Variants in FSIP2 observed in about 807,000 individuals in gnomAD.
The protein encoded by FSIP2 is fibrous sheath-interacting protein 2.
A neutral mutation model predicts 510.5 loss-of-function variants in FSIP2; 367 were observed. That is an observed-to-expected ratio of 0.72 (90% CI 0.66 to 0.78). The LOEUF is 0.78. Among genes scored for constraint, FSIP2 ranks in the 30% least tolerant of loss-of-function variants. The pLI is 0.00. For missense variants in FSIP2, 7,594 were observed against 7,901.7 expected (o/e 0.96, Z 1.48); for synonymous variants, 2,601 against 2,732.2 (o/e 0.95, Z 1.50).
At chr2:185,811,936 A>G (rs1693739972) in intron 17 of FSIP2, among the ~76,000 whole-genome samples, 1 of 152,114 alleles carries the variant, frequency 6.6e-6, no homozygotes, top group South Asian at 2.1e-4. Context: ...AAAAACCTGC[A>G]TGCCCAGGCA....
intron 21 of FSIP2, 123 bp from the exon 22 acceptor site, chr2:185,831,690 T>C: frequency 1.5e-6 from 1 of 674,038 alleles, no homozygotes; most frequent in South Asian, 1.7e-5. Flanking sequence ...AGCACAGATA[T>C]ATTTTATGTA....
intron 13 of FSIP2, among the ~76,000 whole-genome samples, chr2:185,780,013 C>T (rs1339669024): frequency 2.7e-5 from 4 of 148,268 alleles, no homozygotes; most frequent in African/African-American, 1.0e-4. Context: ...GCAGAGGTTG[C>T]AGTGAGCCGA....
intron 19 of FSIP2, among the ~76,000 whole-genome samples, 191 bp downstream of exon 19, chr2:185,815,662 G>T (rs1458424243): frequency 6.6e-6 from 1 of 151,946 alleles, no homozygotes; most frequent in East Asian, 1.9e-4. Context: ...TTTATTTTTA[G>T]ATACCTGGCC....
chr2:185,742,275 T>G (rs1405533666), intron 2 of FSIP2, among the ~76,000 whole-genome samples: 1 of 152,194 alleles, frequency 6.6e-6, no homozygotes, highest in Non-Finnish European at 1.5e-5. Context: ...ATCTTGCTAT[T>G]GAAAAACTGA....
In FSIP2 at chr2:185,792,110, A is replaced by C; in HGVS notation, c.4974A>C (p.Leu1658Phe). The stretch of plus-strand genomic sequence containing the variant: ...TTTTGAAGGTTATTCAAACAGAATT[A>C]AATGTGACCTCATCAGATTTGAAGA... ...SAILKVIQTE[L>F]NVTSSDLKTS... The change falls in exon 16 of 23, where the codon TTA (leucine) becomes TTC (phenylalanine). Residue 1658 changes from leucine to phenylalanine, a missense_variant. By Grantham distance (22) the Leu-to-Phe change is conservative (BLOSUM62 0). Transcript: ENST00000424728. 1.3e-6 allele frequency: 2 copies of C among 1,534,068 alleles called. No individual in the cohort carries two copies. The highest frequency in any genetic ancestry group is 1.7e-6 in the Non-Finnish European group (2 of 1,145,442).
At chr2:185,745,595 A>G (rs1419679181) in intron 5 of FSIP2, 27 bp downstream of exon 5, 1 of 1,521,444 alleles carries the variant, frequency 6.6e-7, no homozygotes, top group African/African-American at 1.4e-5. Flanking sequence ...GGCATATTTT[A>G]TGGGTATGTT....
In FSIP2 at chr2:185,797,192, C is replaced by T. The variant is rs536539979; in HGVS notation, c.10056C>T (p.Asn3352=). 6.5e-7 allele frequency: 1 copy of T among 1,534,796 alleles called. No homozygotes were observed. The highest frequency in any genetic ancestry group is 1.4e-5 in the African/African-American group (1 of 72,858). ...GFPSQPHTNE[N]REIMKPFFIS... ...CAAGTCAACCACACACTAATGAGAA[C>T]AGGGAAATAATGAAACCATTTTTCA... Residue 3352 remains asparagine (N), a synonymous_variant, in exon 16 of 23, where the codon AAC becomes AAT. Transcript: ENST00000424728.
At position 185,824,429 on chromosome 2, in the gene FSIP2, T is replaced by C; in HGVS notation, c.20427-5T>C. On this transcript the variant is annotated splice_polypyrimidine_tract_variant and splice_region_variant and intron_variant, in intron 19 of 22. Coordinates refer to ENST00000424728, the MANE Select transcript of FSIP2 (RefSeq NM_173651.4). ...CTAAATGATGTTCTTTTTCTTTTGT[T>C]TTAGTGAGGCTGAAGATTGTCACTC... is the stretch of plus-strand genomic sequence containing the variant. 6.3e-7 allele frequency: 1 copy of C among 1,583,308 alleles called. No homozygotes were observed. Among genetic ancestry groups the C allele is most frequent in the Non-Finnish European group, 8.6e-7 (1 of 1,161,440 alleles).
Position 185,789,539 on chromosome 2 carries a change from T to C in FSIP2, c.2403T>C (p.Asn801=), listed in dbSNP as rs1256259320. The C allele has an allele frequency of 6.5e-7, 1 of 1,534,736 alleles. No homozygotes were observed. Among genetic ancestry groups the C allele is most frequent in the East Asian group, 2.4e-5 (1 of 40,856 alleles). ...GTGATGAACTTCTCACATCATCTAATGGAAAACCTTTGAAAAATTCAATGC... is the reference window on the plus strand; with the variant it reads ...GTGATGAACTTCTCACATCATCTAACGGAAAACCTTTGAAAAATTCAATGC... ...AASDELLTSS[N]GKPLKNSMPH... The change falls in exon 16 of 23, where the codon AAT becomes AAC. Residue 801 remains asparagine, a synonymous_variant. Transcript: ENST00000424728.
chr2:185,766,954 G>A (rs1228700082), intron 13 of FSIP2, among the ~76,000 whole-genome samples: 83 of 117,722 alleles, frequency 7.1e-4, no homozygotes, highest in African/African-American at 2.5e-3. Flanking sequence ...TTAAGAAAAT[G>A]TGGCACATAT....
rs1693606733 is a variant in FSIP2, at chr2:185,807,310, T to A, written c.18004T>A (p.Ser6002Thr). The change falls in exon 17 of 23, where the codon TCA (serine) becomes ACA (threonine). Residue 6002 changes from serine to threonine, a missense_variant. Transcript: ENST00000424728. Reference sequence around the variant, plus strand: ...AGCCAGCAAAGAATGTCAAACTTCATCACCATATACAATAATATTACCTCA... The same window carrying A: ...AGCCAGCAAAGAATGTCAAACTTCAACACCATATACAATAATATTACCTCA... The part of the protein sequence containing the change: ...QTASKECQTS[S>T]PYTIILPHKF... 1 of 1,612,750 alleles carries A rather than the reference T, an allele frequency of 6.2e-7. No homozygotes were observed. The highest frequency in any genetic ancestry group is 8.5e-7 in the Non-Finnish European group (1 of 1,179,180).
chr2:185,828,369 C>T (rs1186856463), intron 21 of FSIP2, among the ~76,000 whole-genome samples, 170 bp downstream of exon 21: 1 of 151,760 alleles, frequency 6.6e-6, no homozygotes, highest in Non-Finnish European at 1.5e-5. Context: ...TGAGGCCTGT[C>T]CCTGGTATAT....
At chr2:185,737,814 T>G (rs193167847), upstream of FSIP2, among the ~76,000 whole-genome samples, 82 of 152,296 alleles carry the variant, frequency 5.4e-4, no homozygotes, top group Non-Finnish European at 1.5e-5. Flanking sequence ...TTAAGAGTCC[T>G]AAGCACATGT....
At chr2:185,824,554 T>A in intron 20 of FSIP2, 74 bp downstream of exon 20, 1 of 860,138 alleles carries the variant, frequency 1.2e-6, no homozygotes, top group Non-Finnish European at 1.9e-6. Flanking sequence ...TTATCAAACT[T>A]GAAGTTAATA....
chr2:185,792,250 T>C lies in FSIP2; in HGVS notation c.5114T>C (p.Ile1705Thr), dbSNP rs1295875157. 2.2e-5 allele frequency: 34 copies of C among 1,533,254 alleles called. No individual in the cohort carries two copies. The highest frequency in any genetic ancestry group is 2.7e-5 in the Non-Finnish European group (31 of 1,145,222). 95.0% of individuals were successfully genotyped at this position (1,533,254 alleles called of 1,614,324 possible). ...FNEMESEGGG[I>T]ETYRYRPTYG... ...GAAATGGAATCTGAAGGGGGAGGCA[T>C]TGAAACTTATCGATACAGGCCAACA... The change falls in exon 16 of 23, where the codon ATT becomes ACT. Residue 1705 changes from isoleucine (I) to threonine (T), a missense_variant. Ile to Thr is a moderately conservative substitution (Grantham distance 89). Transcript: ENST00000424728.
At chr2:185,797,651 G>A (rs1301394219) in intron 16 of FSIP2, 125 bp downstream of exon 16, 1 of 881,476 alleles carries the variant, frequency 1.1e-6, no homozygotes, top group African/African-American at 1.7e-5. Flanking sequence ...ACCCTTGGAG[G>A]TAGATGACTA....
intron 13 of FSIP2, among the ~76,000 whole-genome samples, chr2:185,778,740 A>G (rs1420495712): frequency 6.6e-6 from 1 of 151,988 alleles, no homozygotes; most frequent in Non-Finnish European, 1.5e-5. Flanking sequence ...TGTTCTAAAT[A>G]TGTCCATTCA....
At position 185,796,750 on chromosome 2, in the gene FSIP2, A is replaced by C. The variant is rs748237186; in HGVS notation, c.9614A>C (p.Asp3205Ala). The C allele has an allele frequency of 9.1e-6, 14 of 1,534,942 alleles. No individual in the cohort carries two copies. In the South Asian group the frequency reaches 1.7e-4, roughly 18 times the overall value. Residue 3205 changes from aspartate (D) to alanine (A), a missense_variant, in exon 16 of 23, where the codon GAT becomes GCT. Asp to Ala is a moderately radical substitution (Grantham distance 126). Coordinates refer to ENST00000424728, the MANE Select transcript of FSIP2 (RefSeq NM_173651.4). ...DMKEKYRVSS[D>A]LPTSVRSSVE... ...AAAGAAAAGTACAGGGTTTCATCAG[A>C]TTTACCCACCTCTGTCAGATCCTCT... is the stretch of plus-strand genomic sequence containing the variant.
chr2:185,791,270 C>T lies in FSIP2; in HGVS notation c.4134C>T (p.Leu1378=). The stretch of plus-strand genomic sequence containing the variant: ...ATGCACATCAAAGAAGCATTTCACT[C>T]TCTTCTCGTAAGCCAAAGTCTGCAA... The part of the protein sequence containing the change: ...SENAHQRSIS[L]SSRKPKSATD... Residue 1378 remains leucine, a synonymous_variant, in exon 16 of 23, where the codon CTC becomes CTT. Transcript: ENST00000424728. 6.5e-7 allele frequency: 1 copy of T among 1,534,078 alleles called. No homozygotes were observed. The highest frequency in any genetic ancestry group is 8.7e-7 in the Non-Finnish European group (1 of 1,145,504).
Sources: allele counts gnomAD v4.1 joint callset (sites outside exome capture counted in the v4.1 genomes callset), GRCh38; gene constraint gnomAD v4.1.1; transcripts MANE v1.5; gene names NCBI Gene and HGNC (gene_info 2026-07-23, HGNC 2026-07-21).